Variants in GRID2 observed in about 807,000 individuals in gnomAD.
GRID2 encodes glutamate ionotropic receptor delta type subunit 2.
A neutral mutation model predicts 114.8 loss-of-function variants in GRID2; 33 were observed. The ratio of observed to expected loss-of-function variants is 0.29; its 90% CI spans 0.22 to 0.38. The LOEUF (loss-of-function observed/expected upper bound fraction) is 0.38. Among genes scored for constraint, GRID2 ranks in the 10% least tolerant of loss-of-function variants. GRID2 has a pLI of 1.00. For missense variants in GRID2, 1,184 were observed against 1,257.7 expected, an observed-to-expected ratio of 0.94 and a Z score of 0.89; for synonymous variants, 505 against 449.9, an observed-to-expected ratio of 1.12 and a Z score of -1.55.
At chr4:92,971,383 T>C (rs1210209913) in intron 2 of GRID2, among the ~76,000 whole-genome samples, 1 of 152,056 alleles carries the variant, frequency 6.6e-6, no homozygotes, top group Non-Finnish European at 1.5e-5. Flanking sequence ...AAGGGTGCAG[T>C]TGTCAGTTAA....
intron 8 of GRID2, among the ~76,000 whole-genome samples, chr4:93,298,420 A>G (rs1365158029): frequency 6.6e-6 from 1 of 152,194 alleles, no homozygotes; most frequent in Non-Finnish European, 1.5e-5. Flanking sequence ...AAAGAGCACT[A>G]GCAAGCTCTC....
intron 8 of GRID2, among the ~76,000 whole-genome samples, chr4:93,317,450 G>A (rs1756776017): frequency 6.6e-6 from 1 of 151,938 alleles, no homozygotes; most frequent in Non-Finnish European, 1.5e-5. Flanking sequence ...GTCGACAGCT[G>A]TTTAAAAAAC....
At chr4:92,964,959 C>T (rs1192661797) in intron 2 of GRID2, among the ~76,000 whole-genome samples, 3 of 151,998 alleles carry the variant, frequency 2.0e-5, no homozygotes, top group Non-Finnish European at 4.4e-5. Context: ...ACATTTACAA[C>T]TTGCTCAACT....
intron 10 of GRID2, among the ~76,000 whole-genome samples, chr4:93,430,897 C>A (rs1769347692): frequency 6.6e-6 from 1 of 152,016 alleles, no homozygotes; most frequent in Admixed American, 6.6e-5. Flanking sequence ...CTGACAGACA[C>A]AAGAGTAGAA....
At position 93,167,321 on chromosome 4, in the gene GRID2, AGAG is replaced by A. The variant is rs559560358; in HGVS notation, c.736-40082_736-40080del. On this transcript the variant is annotated intron_variant, in intron 4 of 15. Coordinates refer to ENST00000282020, the MANE Select transcript of GRID2 (RefSeq NM_001510.4). ...TATATTGATACAGATCTGTCTCCAA[AGAG>A]ATTCCAACCAGCAGCCTGCTCCTTG... Among the ~76,000 whole-genome samples the A allele has an allele frequency of 5.9e-5, 9 of 152,304 alleles. No homozygotes were observed. In the South Asian group the frequency reaches 1.7e-3, roughly 28 times the overall value.
chr4:93,620,750 T>G (rs1742146696), intron 13 of GRID2, among the ~76,000 whole-genome samples: 1 of 152,128 alleles, frequency 6.6e-6, no homozygotes, highest in African/African-American at 2.4e-5. Flanking sequence ...TTTCAAAAAA[T>G]TTTAGGCTAG....
At chr4:93,342,046 T>C (rs900348901) in intron 8 of GRID2, among the ~76,000 whole-genome samples, 1 of 152,152 alleles carries the variant, frequency 6.6e-6, no homozygotes, top group Non-Finnish European at 1.5e-5. Flanking sequence ...CAATATTGTA[T>C]CCTACCCCTC....
At chr4:93,140,950 GA>G (rs1735716439) in intron 4 of GRID2, among the ~76,000 whole-genome samples, 1 of 152,100 alleles carries the variant, frequency 6.6e-6, no homozygotes, top group African/African-American at 2.4e-5. Context: ...TCAAATATAA[GA>G]TTATATCCAT....
At chr4:92,353,301 C>T (rs917275165) in intron 1 of GRID2, among the ~76,000 whole-genome samples, 1 of 149,158 alleles carries the variant, frequency 6.7e-6, no homozygotes, top group Non-Finnish European at 1.5e-5. Context: ...GTTTTAAAGT[C>T]TTTGTCTAGT....
chr4:92,560,715 T>G (rs967269626), intron 1 of GRID2, among the ~76,000 whole-genome samples: 1 of 152,068 alleles, frequency 6.6e-6, no homozygotes, highest in Non-Finnish European at 1.5e-5. Context: ...AACTAATTTT[T>G]TTTTTCTTGA....
rs116351560 is a variant in GRID2 at position 92,881,362 on chromosome 4, A to G, written c.245-203633A>G. ...ATCTTCACCTCTTGATTTTACATAT[A>G]TAACATTTACCTGTCACTTTCCAAT... On this transcript the variant is annotated intron_variant, in intron 2 of 15. Transcript: ENST00000282020. Among the ~76,000 whole-genome samples, 818 of 152,306 alleles carry G rather than the reference A, an allele frequency of 5.4e-3. 2 individuals carry two copies. Among genetic ancestry groups the G allele is most frequent in the African/African-American group, 0.019 (783 of 41,556 alleles).
chr4:93,323,946 G>T (rs899011845), intron 8 of GRID2, among the ~76,000 whole-genome samples: 3 of 152,060 alleles, frequency 2.0e-5, no homozygotes, highest in Admixed American at 6.6e-5. Context: ...GGAGATTTTG[G>T]GCTGAGACGA....
chr4:93,424,233 A>G (rs1351939658), intron 10 of GRID2, among the ~76,000 whole-genome samples: 1 of 151,610 alleles, frequency 6.6e-6, no homozygotes, highest in Non-Finnish European at 1.5e-5. Context: ...AAAAAAAGAC[A>G]GTTGCTGGGA....
intron 2 of GRID2, among the ~76,000 whole-genome samples, chr4:92,866,155 G>A (rs988906667): frequency 6.6e-6 from 1 of 152,124 alleles, no homozygotes; most frequent in Non-Finnish European, 1.5e-5. Flanking sequence ...GATAGTGAGA[G>A]GAATATTGTG....
Position 93,076,241 on chromosome 4 carries a change from A to G in GRID2, c.245-8754A>G, listed in dbSNP as rs180761666. ...GAAGAAATAAGGTAATTAAAATAGC[A>G]TGGCGGTGGGAGAGTGTGTGGAATG... On this transcript the variant is annotated intron_variant, in intron 2 of 15. Coordinates refer to ENST00000282020, the MANE Select transcript of GRID2 (RefSeq NM_001510.4). Among the ~76,000 whole-genome samples, 1,188 of 152,144 alleles carry G rather than the reference A, an allele frequency of 7.8e-3. 8 individuals are homozygous for G. The highest frequency in any genetic ancestry group is 0.014 in the Middle Eastern group (4 of 294).
intron 4 of GRID2, among the ~76,000 whole-genome samples, chr4:93,182,723 G>T (rs557874353): frequency 6.6e-6 from 1 of 152,096 alleles, no homozygotes; most frequent in East Asian, 1.9e-4. Context: ...AGACATCACC[G>T]TCCTTATAAA....
chr4:93,591,554 A>G (rs1019490153), intron 13 of GRID2, among the ~76,000 whole-genome samples: 7 of 152,216 alleles, frequency 4.6e-5, no homozygotes, highest in South Asian at 4.2e-4. Context: ...TTGGTATCAG[A>G]ATGATGCTGG....
intron 2 of GRID2, among the ~76,000 whole-genome samples, chr4:92,826,659 A>G (rs2149393612): frequency 6.6e-6 from 1 of 152,266 alleles, no homozygotes; most frequent in Admixed American, 6.6e-5. Flanking sequence ...TACTTGCATT[A>G]CATTATTCTA....
chr4:93,294,033 G>A (rs938761683), intron 8 of GRID2, among the ~76,000 whole-genome samples: 1 of 152,184 alleles, frequency 6.6e-6, no homozygotes, highest in Non-Finnish European at 1.5e-5. Flanking sequence ...TGAAGGGAAA[G>A]TCATTATAAT....
Sources: gnomAD v4.1 joint callset for allele counts (sites outside exome capture counted in the v4.1 genomes callset) on GRCh38, gnomAD v4.1.1 for gene constraint, MANE v1.5 for transcripts, NCBI Gene and HGNC (gene_info 2026-07-23, HGNC 2026-07-21) for gene names.